SBF2: variants seen among roughly 807,000 people sequenced by gnomAD.
SBF2 encodes the protein SET binding factor 2.
SBF2 carries 112 observed loss-of-function variants against 225.2 expected under a neutral mutation model. The observed-to-expected ratio is 0.50, with a 90% CI of 0.43 to 0.58. SBF2 has a LOEUF of 0.58. Among genes scored for constraint, SBF2 ranks in the 20% least tolerant of loss-of-function variants. SBF2 has a pLI of 0.00. For missense variants in SBF2, 1,996 were observed against 2,206.2 expected (o/e 0.90, Z 1.91); for synonymous variants, 763 against 773.3 (o/e 0.99, Z 0.22).
intron 1 of SBF2, among the ~76,000 whole-genome samples, chr11:10,202,475 C>A (rs1957598574): frequency 1.3e-5 from 2 of 152,184 alleles, no homozygotes; most frequent in Admixed American, 1.3e-4. Context: ...AATTCTCCCA[C>A]TAGCTATATA....
At chr11:10,282,276 C>G (rs1281416889) in intron 1 of SBF2, among the ~76,000 whole-genome samples, 2 of 152,140 alleles carry the variant, frequency 1.3e-5, no homozygotes, top group African/African-American at 4.8e-5. Context: ...CAGGCTGCCA[C>G]TGCTTTATCT....
chr11:10,266,184 G>T (rs2135525079), intron 1 of SBF2, among the ~76,000 whole-genome samples: 1 of 152,308 alleles, frequency 6.6e-6, no homozygotes, highest in East Asian at 1.9e-4. Flanking sequence ...TTTGTCCACA[G>T]CCACATTCCA....
intron 1 of SBF2, among the ~76,000 whole-genome samples, chr11:10,237,899 T>C (rs1959140589): frequency 6.6e-6 from 1 of 152,198 alleles, no homozygotes; most frequent in Non-Finnish European, 1.5e-5. Flanking sequence ...GTCACTTCTA[T>C]TGTATAAGTA....
intron 2 of SBF2, among the ~76,000 whole-genome samples, chr11:10,190,009 G>C (rs538822686): frequency 6.6e-6 from 1 of 152,248 alleles, no homozygotes; most frequent in African/African-American, 2.4e-5. Context: ...AAATTAGCCA[G>C]GTGTGGTGGC....
intron 2 of SBF2, among the ~76,000 whole-genome samples, chr11:10,045,529 C>A (rs1358309961): frequency 6.6e-6 from 1 of 152,202 alleles, no homozygotes; most frequent in Non-Finnish European, 1.5e-5. Context: ...TGAAACAGTG[C>A]TGGACGAACG....
chr11:10,138,189 A>C (rs1309773006), intron 2 of SBF2, among the ~76,000 whole-genome samples: 1 of 152,124 alleles, frequency 6.6e-6, no homozygotes, highest in Non-Finnish European at 1.5e-5. Flanking sequence ...CAAATTATCT[A>C]TTTTATATTG....
intron 2 of SBF2, among the ~76,000 whole-genome samples, chr11:10,145,052 G>C (rs1208951950): frequency 6.6e-6 from 1 of 152,182 alleles, no homozygotes; most frequent in Non-Finnish European, 1.5e-5. Context: ...TGGTCAAGGA[G>C]TATGGGGATT....
chr11:10,083,950 G>C (rs1478838563), intron 2 of SBF2, among the ~76,000 whole-genome samples: 3 of 152,056 alleles, frequency 2.0e-5, no homozygotes, highest in Non-Finnish European at 4.4e-5. Flanking sequence ...GACTAGCCCA[G>C]GCAACACAGG....
At chr11:10,172,863 T>G (rs1956260593) in intron 2 of SBF2, among the ~76,000 whole-genome samples, 1 of 152,124 alleles carries the variant, frequency 6.6e-6, no homozygotes, top group Non-Finnish European at 1.5e-5. Flanking sequence ...AGACAGGGTT[T>G]TGCCATGCTG....
chr11:9,817,044 G>T lies in SBF2; in HGVS notation c.3794-20C>A. ...ACACACCTTCACAAAAGCCAAAGTC[G>T]TGGAGTGAGATAATCTAATGTGGGA... On this transcript the variant is annotated intron_variant, in intron 28 of 39. Transcript: ENST00000256190. 6.2e-7 allele frequency: 1 copy of T among 1,613,500 alleles called. No individual in the cohort carries two copies. The highest frequency in any genetic ancestry group is 8.5e-7 in the Non-Finnish European group (1 of 1,179,786).
chr11:9,876,033 C>T (rs1004160593), intron 17 of SBF2, among the ~76,000 whole-genome samples: 3 of 151,996 alleles, frequency 2.0e-5, no homozygotes, highest in Non-Finnish European at 2.9e-5. Context: ...GGTCATACAG[C>T]TAGACGGAGC....
chr11:10,021,796 T>C (rs753049096), intron 6 of SBF2, among the ~76,000 whole-genome samples: 3 of 152,174 alleles, frequency 2.0e-5, no homozygotes, highest in Admixed American at 6.5e-5. Context: ...TGGCCTAATA[T>C]TGGCCTTTGA....
chr11:9,970,639 C>T (rs1260768019), intron 13 of SBF2, among the ~76,000 whole-genome samples: 1 of 152,146 alleles, frequency 6.6e-6, no homozygotes, highest in Admixed American at 6.5e-5. Context: ...CCTCCCACTG[C>T]CGTAAGTGTC....
chr11:9,974,719 A>T (rs1946600522), intron 13 of SBF2, among the ~76,000 whole-genome samples: 1 of 151,226 alleles, frequency 6.6e-6, no homozygotes, highest in African/African-American at 2.4e-5. Context: ...CTATAATCCC[A>T]GCACTTTGCG....
At chr11:9,911,210 T>C (rs1464920798) in intron 16 of SBF2, among the ~76,000 whole-genome samples, 1 of 149,702 alleles carries the variant, frequency 6.7e-6, no homozygotes, top group East Asian at 2.0e-4. Flanking sequence ...CTACTAAAAA[T>C]ACAAAAAATT....
At chr11:10,164,449 A>C (rs1424987185) in intron 2 of SBF2, among the ~76,000 whole-genome samples, 1 of 152,224 alleles carries the variant, frequency 6.6e-6, no homozygotes, top group African/African-American at 2.4e-5. Context: ...CCTATTCAAA[A>C]GAAACACACA....
chr11:10,273,184 A>AATAGTCAT (rs1962673745), intron 1 of SBF2, among the ~76,000 whole-genome samples: 1 of 152,226 alleles, frequency 6.6e-6, no homozygotes, highest in Non-Finnish European at 1.5e-5. Flanking sequence ...TTTGATAACT[A>AATAGTCAT]ATTATTCTGT....
chr11:10,106,366 C>T (rs1696458426), intron 2 of SBF2, among the ~76,000 whole-genome samples: 1 of 152,172 alleles, frequency 6.6e-6, no homozygotes, highest in Admixed American at 6.5e-5. Flanking sequence ...GTGGCTCATG[C>T]CTGTAATCCC....
chr11:10,018,621 G>C (rs1314792130), intron 6 of SBF2, among the ~76,000 whole-genome samples: 4 of 152,024 alleles, frequency 2.6e-5, no homozygotes, highest in Non-Finnish European at 5.9e-5. Flanking sequence ...TGCCAAAAAA[G>C]GACAATGGGC....
Sources: allele counts gnomAD v4.1 joint callset (sites outside exome capture counted in the v4.1 genomes callset), GRCh38; gene constraint gnomAD v4.1.1; transcripts MANE v1.5; gene names NCBI Gene and HGNC (gene_info 2026-07-23, HGNC 2026-07-21).